Variants in VOPP1 observed in about 807,000 individuals in gnomAD.
VOPP1 encodes the protein VOPP1 WW domain binding protein.
A neutral mutation model predicts 23.5 loss-of-function variants in VOPP1; 8 were observed. The observed-to-expected ratio is 0.34, with a 90% CI of 0.20 to 0.61. The LOEUF is 0.61. Ranked by LOEUF, VOPP1 falls within the 20% of genes least tolerant of loss-of-function variation. VOPP1 has a pLI of 0.78. For missense variants in VOPP1, 174 were observed against 238.1 expected (o/e 0.73, Z 1.77); for synonymous variants, 83 against 97.3 (o/e 0.85, Z 0.86).
chr7:55,505,163 G>A (rs1419997063), intron 2 of VOPP1, among the ~76,000 whole-genome samples: 1 of 152,138 alleles, frequency 6.6e-6, no homozygotes, highest in Non-Finnish European at 1.5e-5. Flanking sequence ...TGGGACCCAG[G>A]ACTGCTGAAG....
intron 1 of VOPP1, among the ~76,000 whole-genome samples, chr7:55,562,926 T>C (rs372733473): frequency 3.3e-5 from 5 of 152,220 alleles, no homozygotes; most frequent in African/African-American, 9.7e-5. Context: ...TAGATTACTA[T>C]GCGGTCTGGG....
At chr7:55,518,967 C>T (rs935291169) in intron 2 of VOPP1, among the ~76,000 whole-genome samples, 4 of 152,140 alleles carry the variant, frequency 2.6e-5, no homozygotes, top group Admixed American at 2.0e-4. Flanking sequence ...ACACTGGGAA[C>T]AGAGGGGAGA....
chr7:55,565,176 A>T (rs1798123825), intron 1 of VOPP1, among the ~76,000 whole-genome samples: 1 of 152,192 alleles, frequency 6.6e-6, no homozygotes, highest in Non-Finnish European at 1.5e-5. Context: ...TTTGCCAATT[A>T]TCGAATCCGA....
chr7:55,494,060 G>A (rs1364960670), intron 3 of VOPP1, among the ~76,000 whole-genome samples: 2 of 152,160 alleles, frequency 1.3e-5, no homozygotes, highest in African/African-American at 4.8e-5. Context: ...GGCCGGAGAA[G>A]GTGGGAGCAG....
intron 1 of VOPP1, chr7:55,571,602 A>C (rs6593260): frequency 0.93 from 141,039 of 152,310 alleles, 65,999 homozygotes; most frequent in East Asian, 1. Context: ...CCCGCCAGGG[A>C]TGCGGTCACG....
intron 2 of VOPP1, among the ~76,000 whole-genome samples, chr7:55,509,768 G>C (rs1794953827): frequency 6.6e-6 from 1 of 152,164 alleles, no homozygotes; most frequent in Non-Finnish European, 1.5e-5. Context: ...TCTCTGCTCA[G>C]TCTTCTATTG....
At chr7:55,503,826 T>C (rs908916512) in intron 2 of VOPP1, among the ~76,000 whole-genome samples, 1 of 152,244 alleles carries the variant, frequency 6.6e-6, no homozygotes, top group Non-Finnish European at 1.5e-5. Flanking sequence ...AACCTTGGTC[T>C]TGGACTTCCA....
At chr7:55,571,379 G>A (rs1798347984) in intron 1 of VOPP1, among the ~76,000 whole-genome samples, 1 of 152,216 alleles carries the variant, frequency 6.6e-6, no homozygotes, top group Admixed American at 6.5e-5. Context: ...TCCTAAAACA[G>A]AGGCATGGGA....
intron 1 of VOPP1, among the ~76,000 whole-genome samples, chr7:55,546,161 C>G (rs1050540245): frequency 6.6e-6 from 1 of 152,230 alleles, no homozygotes; most frequent in Non-Finnish European, 1.5e-5. Context: ...ACTCACTAAG[C>G]ACTCCACAGC....
At chr7:55,529,831 T>G (rs1384280405) in intron 1 of VOPP1, among the ~76,000 whole-genome samples, 2 of 152,204 alleles carry the variant, frequency 1.3e-5, no homozygotes, top group East Asian at 3.9e-4. Context: ...TTAAAGAAAA[T>G]CATACAACTT....
At chr7:55,445,809 TA>T (rs1791086621) in intron 4 of VOPP1, among the ~76,000 whole-genome samples, 1 of 152,184 alleles carries the variant, frequency 6.6e-6, no homozygotes, top group Non-Finnish European at 1.5e-5. Flanking sequence ...TTAATGAATT[TA>T]ATTTGATGAG....
intron 2 of VOPP1, among the ~76,000 whole-genome samples, chr7:55,513,705 G>C (rs1795227815): frequency 1.3e-5 from 2 of 152,138 alleles, no homozygotes; most frequent in African/African-American, 4.8e-5. Flanking sequence ...GATGGTCTTA[G>C]GGTTTCCCGG....
chr7:55,469,114 A>T (rs921617883), downstream of VOPP1, among the ~76,000 whole-genome samples: 1 of 152,090 alleles, frequency 6.6e-6, no homozygotes, highest in Non-Finnish European at 1.5e-5. Context: ...TATGCTTTAA[A>T]TTTTTCAGGA....
intron 1 of VOPP1, among the ~76,000 whole-genome samples, chr7:55,556,797 C>CG (rs1797824497): frequency 1.3e-5 from 2 of 152,242 alleles, no homozygotes; most frequent in East Asian, 3.9e-4. Flanking sequence ...AAAAGCCTCC[C>CG]GCCCTCTGAA....
chr7:55,473,515 C>T (rs1232609321), intron 4 of VOPP1, among the ~76,000 whole-genome samples: 4 of 152,178 alleles, frequency 2.6e-5, no homozygotes, highest in Non-Finnish European at 5.9e-5. Flanking sequence ...GCAGGGAGGC[C>T]GTGCACCTGG....
chr7:55,486,368 T>C (rs979009684), intron 4 of VOPP1, among the ~76,000 whole-genome samples: 1 of 152,224 alleles, frequency 6.6e-6, no homozygotes, highest in Admixed American at 6.5e-5. Flanking sequence ...TGCTTTTGTA[T>C]GGCAGAACAT....
intron 2 of VOPP1, among the ~76,000 whole-genome samples, chr7:55,519,385 G>A (rs1314111417): frequency 1.3e-5 from 2 of 152,162 alleles, no homozygotes; most frequent in Non-Finnish European, 2.9e-5. Flanking sequence ...GTCAATACAA[G>A]AACAGCAATG....
chr7:55,548,474 G>C (rs576458517), intron 1 of VOPP1, among the ~76,000 whole-genome samples: 86 of 152,312 alleles, frequency 5.6e-4, no homozygotes, highest in African/African-American at 1.5e-3. Context: ...TCACATTAGA[G>C]CTGGGATGCA....
chr7:55,502,852 C>T (rs571372657), intron 2 of VOPP1, among the ~76,000 whole-genome samples: 1 of 152,332 alleles, frequency 6.6e-6, no homozygotes, highest in African/African-American at 2.4e-5. Flanking sequence ...GAGAAAACAG[C>T]AAGGGTTTTT....
Sources: allele counts gnomAD v4.1 joint callset (sites outside exome capture counted in the v4.1 genomes callset), GRCh38; gene constraint gnomAD v4.1.1; transcripts MANE v1.5; gene names NCBI Gene and HGNC (gene_info 2026-07-23, HGNC 2026-07-21).